SHB: variants seen among roughly 807,000 people sequenced by gnomAD.
SHB encodes SH2 domain-containing adapter protein B.
In SHB, 20 loss-of-function variants were observed where a neutral mutation model predicts 52.3. That is an observed-to-expected ratio of 0.38 (90% CI 0.27 to 0.56). The LOEUF (loss-of-function observed/expected upper bound fraction) is 0.56. Ranked by LOEUF, SHB falls within the 20% of genes least tolerant of loss-of-function variation. The pLI, the probability that SHB is intolerant of heterozygous loss-of-function variation, is 0.71. For synonymous variants in SHB, 397 were observed against 316.5 expected (o/e 1.25, Z -2.70); for missense variants, 825 against 723.3 (o/e 1.14, Z -1.61).
chr9:37,951,839 G>A (rs1423468974), intron 4 of SHB, among the ~76,000 whole-genome samples: 1 of 152,270 alleles, frequency 6.6e-6, no homozygotes, highest in Non-Finnish European at 1.5e-5. Context: ...GGCCGGGCCG[G>A]CACTGGCCAG....
intron 2 of SHB, among the ~76,000 whole-genome samples, chr9:38,009,180 G>C (rs969455869): frequency 6.6e-6 from 1 of 152,316 alleles, no homozygotes; most frequent in South Asian, 2.1e-4. Context: ...GAGAGAACAG[G>C]AGCCCTAGGA....
chr9:37,975,728 T>C (rs1258980510), intron 2 of SHB, among the ~76,000 whole-genome samples: 1 of 152,154 alleles, frequency 6.6e-6, no homozygotes, highest in Non-Finnish European at 1.5e-5. Flanking sequence ...AAGCGGGGAA[T>C]GTGGGGAAGG....
chr9:37,968,008 C>T (rs1820549786), intron 3 of SHB, among the ~76,000 whole-genome samples: 1 of 152,232 alleles, frequency 6.6e-6, no homozygotes, highest in Non-Finnish European at 1.5e-5. Flanking sequence ...AGAAGTGGTG[C>T]TTTCCACACC....
intron 1 of SHB, among the ~76,000 whole-genome samples, chr9:38,044,734 T>C (rs1368506192): frequency 6.6e-6 from 1 of 152,220 alleles, no homozygotes; most frequent in Admixed American, 6.5e-5. Flanking sequence ...ACTGGCAATT[T>C]GGGGACTATT....
chr9:38,037,766 G>C (rs1427793407), intron 1 of SHB, among the ~76,000 whole-genome samples: 1 of 152,126 alleles, frequency 6.6e-6, no homozygotes, highest in African/African-American at 2.4e-5. Flanking sequence ...AGCCTCCCTG[G>C]GCTGACCTTG....
chr9:37,970,842 C>T (rs1385845544), intron 3 of SHB, among the ~76,000 whole-genome samples: 1 of 152,062 alleles, frequency 6.6e-6, no homozygotes, highest in Non-Finnish European at 1.5e-5. Flanking sequence ...CCCCCTTTGG[C>T]AGGCCCAGGT....
intron 1 of SHB, among the ~76,000 whole-genome samples, chr9:38,065,022 G>C (rs1180707435): frequency 1.3e-5 from 2 of 152,214 alleles, no homozygotes; most frequent in Non-Finnish European, 2.9e-5. Context: ...GGCTAAGGCG[G>C]GAGGATTGCT....
intron 2 of SHB, among the ~76,000 whole-genome samples, chr9:38,013,636 G>A (rs1373682370): frequency 6.6e-6 from 1 of 152,224 alleles, no homozygotes; most frequent in Non-Finnish European, 1.5e-5. Flanking sequence ...GTAATTTCTA[G>A]CCAGGTGAAC....
intron 2 of SHB, among the ~76,000 whole-genome samples, chr9:37,994,411 T>G (rs1820923022): frequency 6.6e-6 from 1 of 152,262 alleles, no homozygotes; most frequent in Non-Finnish European, 1.5e-5. Flanking sequence ...AATGACTGAT[T>G]ACTTCCCATT....
intron 2 of SHB, among the ~76,000 whole-genome samples, chr9:37,983,972 T>G (rs897847265): frequency 2.0e-5 from 3 of 152,008 alleles, no homozygotes; most frequent in East Asian, 3.9e-4. Flanking sequence ...CCCACTAGAG[T>G]GCTTAGTCTG....
chr9:38,068,220 G>C lies in SHB; in HGVS notation c.426C>G (p.Ala142=). 7.2e-7 allele frequency: 1 copy of C among 1,396,144 alleles called. No individual in the cohort carries two copies. 86.5% of individuals were successfully genotyped at this position (1,396,144 alleles called of 1,614,324 possible). A position where few individuals can be genotyped will look rare whatever the true frequency, so the allele number is the denominator to read the frequency against. ...ACGCGGCGGCCCCCGCGCCCGAGGA[G>C]GCGCAGCAACAGCCCGCGGCGCCCG... is the stretch of plus-strand genomic sequence containing the variant. The part of the protein sequence containing the change: ...SASGAAGCCC[A]SSGAGAAASS... The change falls in exon 1 of 6, where the codon GCC becomes GCG. Residue 142 remains alanine (A), a synonymous_variant. Coordinates refer to ENST00000377707, the MANE Select transcript of SHB (RefSeq NM_003028.3).
intron 1 of SHB, among the ~76,000 whole-genome samples, chr9:38,038,831 G>T (rs1224027111): frequency 4.6e-5 from 7 of 152,124 alleles, no homozygotes; most frequent in African/African-American, 1.7e-4. Context: ...CAGTGGGCAG[G>T]GGCCACCCCC....
chr9:38,023,142 C>T (rs1314871837), intron 1 of SHB, among the ~76,000 whole-genome samples: 1 of 152,204 alleles, frequency 6.6e-6, no homozygotes, highest in Admixed American at 6.5e-5. Flanking sequence ...TGGGCTGCAG[C>T]AGCTGCCCGA....
chr9:37,978,240 G>A (rs1820677105), intron 2 of SHB, among the ~76,000 whole-genome samples: 1 of 152,214 alleles, frequency 6.6e-6, no homozygotes, highest in Non-Finnish European at 1.5e-5. Flanking sequence ...TTAAATCAGA[G>A]GACTTGTGCA....
intron 1 of SHB, among the ~76,000 whole-genome samples, chr9:38,047,746 T>C (rs962758280): frequency 3.3e-5 from 5 of 152,258 alleles, no homozygotes; most frequent in Admixed American, 2.6e-4. Flanking sequence ...CCCTCCACTT[T>C]GTCCTTTCTC....
intron 1 of SHB, among the ~76,000 whole-genome samples, chr9:38,019,638 G>A (rs891894350): frequency 6.6e-5 from 10 of 152,196 alleles, no homozygotes; most frequent in Non-Finnish European, 1.3e-4. Context: ...TGCTTTCAGT[G>A]GAAATGCACT....
chr9:37,992,124 G>A (rs887603399), intron 2 of SHB, among the ~76,000 whole-genome samples: 2 of 152,190 alleles, frequency 1.3e-5, no homozygotes, highest in Admixed American at 6.5e-5. Flanking sequence ...GGTCCAGCCG[G>A]GCACGGTGGC....
chr9:37,925,375 T>G (rs1387534871), intron 5 of SHB, among the ~76,000 whole-genome samples: 2 of 152,228 alleles, frequency 1.3e-5, no homozygotes, highest in African/African-American at 4.8e-5. Flanking sequence ...TGGGAAGGAC[T>G]GGGGAGCTTC....
chr9:38,022,348 A>G (rs1249022875), intron 1 of SHB, among the ~76,000 whole-genome samples: 1 of 152,214 alleles, frequency 6.6e-6, no homozygotes, highest in Admixed American at 6.5e-5. Context: ...CGTCGACTGC[A>G]TCGTAATTCA....
Sources: gnomAD v4.1 joint callset for allele counts (sites outside exome capture counted in the v4.1 genomes callset) on GRCh38, gnomAD v4.1.1 for gene constraint, MANE v1.5 for transcripts, NCBI Gene and HGNC (gene_info 2026-07-23, HGNC 2026-07-21) for gene names.